Variants in NAV2 observed in about 807,000 individuals in gnomAD.
NAV2 encodes helicase, APC down-regulated 1.
In NAV2, 54 loss-of-function variants were observed where a neutral mutation model predicts 223.2. The observed-to-expected ratio is 0.24, with a 90% CI of 0.19 to 0.30. The LOEUF (loss-of-function observed/expected upper bound fraction) is 0.30. NAV2 is among the 10% of genes least tolerant of loss of function. NAV2 has a pLI of 1.00. For synonymous variants in NAV2, 1,279 were observed against 1,239.3 expected (o/e 1.03, Z -0.67); for missense variants, 2,806 against 3,147.5 (o/e 0.89, Z 2.60).
Position 19,559,340 on chromosome 11 carries a change from G to A in NAV2, c.75+208313G>A, listed in dbSNP as rs150664632. Among the ~76,000 whole-genome samples, 73 of 152,306 alleles carry A rather than the reference G, an allele frequency of 4.8e-4. 1 individual carries two copies. The highest frequency in any genetic ancestry group is 1.4e-3 in the African/African-American group (57 of 41,554). ...AAGCCCATTCTCCTATGGCACCATT[G>A]TTGTAAGCTCTGTGCCCTTGGCCAA... On this transcript the variant is annotated intron_variant, in intron 1 of 37. Coordinates refer to the NAV2 transcript ENST00000360655.
intron 1 of NAV2, among the ~76,000 whole-genome samples, chr11:19,454,465 T>G (rs1851892732): frequency 6.6e-6 from 1 of 152,190 alleles, no homozygotes; most frequent in Admixed American, 6.5e-5. Context: ...TAATGTTAAT[T>G]GACATTTACT....
At chr11:19,348,322 G>A (rs1488688545), upstream of NAV2, among the ~76,000 whole-genome samples, 2 of 152,132 alleles carry the variant, frequency 1.3e-5, no homozygotes, top group East Asian at 1.9e-4. Flanking sequence ...TTTGGCACCG[G>A]ACTTTTTTTT....
intron 5 of NAV2, among the ~76,000 whole-genome samples, chr11:19,882,104 A>C (rs925072191): frequency 6.6e-6 from 1 of 152,206 alleles, no homozygotes; most frequent in Non-Finnish European, 1.5e-5. Flanking sequence ...GTCTTAAAGT[A>C]GTAGAAAGAC....
chr11:19,351,920 G>T (rs1853347578), intron 1 of NAV2, among the ~76,000 whole-genome samples: 1 of 150,304 alleles, frequency 6.7e-6, no homozygotes, highest in Non-Finnish European at 1.5e-5. Flanking sequence ...AATACACATG[G>T]AGATGAAAAC....
At chr11:20,008,777 T>A (rs2053310087) in intron 11 of NAV2, among the ~76,000 whole-genome samples, 1 of 151,956 alleles carries the variant, frequency 6.6e-6, no homozygotes, top group Admixed American at 6.6e-5. Context: ...AGATAAACCG[T>A]TTGCACAGAG....
intron 1 of NAV2, among the ~76,000 whole-genome samples, chr11:19,474,724 G>C (rs1186243032): frequency 1.3e-5 from 2 of 152,170 alleles, no homozygotes; most frequent in Non-Finnish European, 2.9e-5. Context: ...ATCCATTATT[G>C]CTCACAGGAC....
chr11:19,422,827 A>G (rs1850672083), intron 1 of NAV2, among the ~76,000 whole-genome samples: 1 of 152,146 alleles, frequency 6.6e-6, no homozygotes, highest in Non-Finnish European at 1.5e-5. Flanking sequence ...CCCTTCTGCC[A>G]TTCATTGATC....
chr11:19,929,503 T>C (rs2045118971), intron 6 of NAV2, among the ~76,000 whole-genome samples: 1 of 152,182 alleles, frequency 6.6e-6, no homozygotes, highest in Non-Finnish European at 1.5e-5. Flanking sequence ...TCAAGACTCC[T>C]GCTCTAGAAA....
At chr11:19,780,703 G>C (rs982066930) in intron 1 of NAV2, among the ~76,000 whole-genome samples, 1 of 152,164 alleles carries the variant, frequency 6.6e-6, no homozygotes, top group Non-Finnish European at 1.5e-5. Context: ...AAATGTATCC[G>C]GATTTGAGCT....
intron 18 of NAV2, among the ~76,000 whole-genome samples, chr11:20,054,449 G>A (rs1457240179): frequency 2.0e-5 from 3 of 152,058 alleles, no homozygotes; most frequent in South Asian, 2.1e-4. Flanking sequence ...GTCACATCCC[G>A]CTCAGTGTCT....
chr11:19,836,006 G>C (rs1565401026), intron 2 of NAV2, among the ~76,000 whole-genome samples: 1 of 152,102 alleles, frequency 6.6e-6, no homozygotes, highest in Non-Finnish European at 1.5e-5. Context: ...GGTCTTAGTT[G>C]TCTTCCTTTC....
chr11:19,863,854 C>T (rs1384536438), intron 3 of NAV2, among the ~76,000 whole-genome samples: 1 of 152,152 alleles, frequency 6.6e-6, no homozygotes, highest in African/African-American at 2.4e-5. Flanking sequence ...ATACTCAACA[C>T]CAGCACATTG....
rs549175128 is a variant in NAV2 at position 20,026,467 on chromosome 11, T to C, written c.2769-9492T>C. Among the ~76,000 whole-genome samples, 3 of 152,082 alleles carry C rather than the reference T, an allele frequency of 2.0e-5. No individual in the cohort carries two copies. The East Asian group carries it at 5.8e-4, about 29-fold the overall frequency. On this transcript the variant is annotated intron_variant, in intron 11 of 37. Coordinates refer to ENST00000349880, the MANE Select transcript of NAV2 (RefSeq NM_145117.5). Reference sequence around the variant, plus strand: ...CTAGGACTACAGGTGCCTGCCACCATACCTGGCTAATTTTTTGTATTTTTA... The same window carrying C: ...CTAGGACTACAGGTGCCTGCCACCACACCTGGCTAATTTTTTGTATTTTTA...
In NAV2 at chr11:19,713,903, GC is replaced by G; in HGVS notation, c.209del (p.Ala70GlyfsTer30). ...SQVLQGLQEPAGEGLPLRKSG... is the reference protein window; with the variant it reads ...SQVLQGLQEPXGEGLPLRKSG... ...GGTGCTGCAGGGGCTGCAGGAGCCA[GC>G]GGGGGAGGGGCTCCCGCTGCGGAAG... On this transcript the variant is annotated frameshift_variant, in exon 1 of 38. Transcript: ENST00000349880. LOFTEE classifies it high-confidence loss of function. This position sits in a 1 kb window ranked among gnomAD's most constrained non-coding sequence, Gnocchi z 7.2. 1 of 1,613,614 alleles carries G rather than the reference GC, an allele frequency of 6.2e-7. No individual in the cohort carries two copies.
chr11:19,371,272 C>G (rs954640969), intron 1 of NAV2, among the ~76,000 whole-genome samples: 2 of 152,064 alleles, frequency 1.3e-5, no homozygotes, highest in Non-Finnish European at 2.9e-5. Context: ...GGGGCAATGC[C>G]GTTTGGAGAG....
Position 19,499,668 on chromosome 11 carries a change from C to T in NAV2, c.75+148641C>T, listed in dbSNP as rs74396576. On this transcript the variant is annotated intron_variant, in intron 1 of 37. Coordinates refer to the NAV2 transcript ENST00000360655. ...CTATTAAATAGGGATAAGCATAACA[C>T]CCATCTTTCAGGGTTATTGTGTAGA... Among the ~76,000 whole-genome samples the T allele has an allele frequency of 3.6e-3, 546 of 152,260 alleles. 3 individuals are homozygous for T. Among genetic ancestry groups the T allele is most frequent in the African/African-American group, 0.012 (507 of 41,552 alleles).
At chr11:19,576,976 C>G (rs2129540) in intron 1 of NAV2, among the ~76,000 whole-genome samples, 1 of 152,188 alleles carries the variant, frequency 6.6e-6, no homozygotes, top group Admixed American at 6.5e-5. Flanking sequence ...TCCTTGTTCA[C>G]TAAGGAATTA....
chr11:19,501,043 T>A (rs939630374), intron 1 of NAV2, among the ~76,000 whole-genome samples: 2 of 152,136 alleles, frequency 1.3e-5, no homozygotes, highest in Non-Finnish European at 2.9e-5. Flanking sequence ...CATTTCCAGC[T>A]CCTAGGGGGT....
intron 1 of NAV2, among the ~76,000 whole-genome samples, chr11:19,787,894 G>A (rs576702263): frequency 6.6e-6 from 1 of 152,140 alleles, no homozygotes; most frequent in African/African-American, 2.4e-5. Flanking sequence ...TAGCTAGCAG[G>A]AGGGGCTCAT....
Sources: gnomAD v4.1 joint callset for allele counts (sites outside exome capture counted in the v4.1 genomes callset) on GRCh38, gnomAD v4.1.1 for gene constraint, Gnocchi (gnomAD v3.1) non-coding constraint, MANE v1.5 for transcripts, NCBI Gene and HGNC (gene_info 2026-07-23, HGNC 2026-07-21) for gene names.